The following ANTXR2 variants were observed in gnomAD, a reference collection of about 807,000 sequenced individuals.
ANTXR2 encodes the protein anthrax toxin receptor 2.
A neutral mutation model predicts 73.7 loss-of-function variants in ANTXR2; 44 were observed. That is an observed-to-expected ratio of 0.60 (90% confidence interval 0.47 to 0.77). The LOEUF is 0.77. ANTXR2 is among the 30% of genes least tolerant of loss of function. ANTXR2 has a pLI of 0.00. For missense variants in ANTXR2, 604 were observed against 592.5 expected (o/e 1.02, Z -0.20); for synonymous variants, 217 against 205.9 (o/e 1.05, Z -0.46).
chr4:80,014,340 G>A (rs1056412538), intron 11 of ANTXR2, among the ~76,000 whole-genome samples: 1 of 151,894 alleles, frequency 6.6e-6, no homozygotes, highest in Non-Finnish European at 1.5e-5. Context: ...AGACTGAGGC[G>A]GCCAAATCAC....
chr4:79,930,184 A>G (rs1344894538), intron 16 of ANTXR2, among the ~76,000 whole-genome samples: 2 of 152,216 alleles, frequency 1.3e-5, no homozygotes, highest in Non-Finnish European at 2.9e-5. Flanking sequence ...ATATTATCAA[A>G]TGAAAACAGA....
chr4:79,936,401 G>C (rs1322345397), intron 16 of ANTXR2, among the ~76,000 whole-genome samples: 1 of 152,128 alleles, frequency 6.6e-6, no homozygotes, highest in Non-Finnish European at 1.5e-5. Flanking sequence ...ACTAAAACTG[G>C]TTGCACTGCA....
At position 79,978,187 on chromosome 4, in the gene ANTXR2, G is replaced by A. The variant is rs1260975950; in HGVS notation, c.1180-13C>T. ...CACCCCAACGAACCTGTAAAACAAA[G>A]GGAGAGTACTGTTATCAGACATAAA... On this transcript the variant is annotated splice_polypyrimidine_tract_variant and intron_variant, in intron 14 of 16. Transcript: ENST00000403729. 6.2e-7 allele frequency: 1 copy of A among 1,612,902 alleles called. No homozygotes were observed. Among genetic ancestry groups the A allele is most frequent in the South Asian group, 1.1e-5 (1 of 90,970 alleles).
At position 80,025,629 on chromosome 4, in the gene ANTXR2, G is replaced by T. The variant is rs188812350; in HGVS notation, c.866+5994C>A. The stretch of plus-strand genomic sequence containing the variant: ...ATCAAGTGATACTATTTAATGTTCT[G>T]CAGTGCTTTTTAAAAGATAGTTTTA... On this transcript the variant is annotated intron_variant, in intron 10 of 16. Transcript: ENST00000403729. Among the ~76,000 whole-genome samples the T allele has an allele frequency of 4.5e-3, 678 of 152,208 alleles. 8 individuals carry two copies. The highest frequency in any genetic ancestry group is 0.015 in the African/African-American group (643 of 41,534).
At chr4:79,999,807 C>T (rs1177160342) in intron 12 of ANTXR2, among the ~76,000 whole-genome samples, 1 of 151,948 alleles carries the variant, frequency 6.6e-6, no homozygotes, top group East Asian at 1.9e-4. Context: ...TTCCCCACTA[C>T]TTGGGAGGCT....
At chr4:79,927,308 A>ACACACACACACG (rs1164517649) in intron 16 of ANTXR2, among the ~76,000 whole-genome samples, 1 of 151,534 alleles carries the variant, frequency 6.6e-6, no homozygotes, top group Admixed American at 6.6e-5. Flanking sequence ...ACACACACAC[A>ACACACACACACG]CACGCACTCA....
At chr4:79,912,582 A>AG (rs1023865102) in intron 16 of ANTXR2, among the ~76,000 whole-genome samples, 3 of 152,084 alleles carry the variant, frequency 2.0e-5, no homozygotes, top group Non-Finnish European at 4.4e-5. Flanking sequence ...TGCTAGTGGA[A>AG]GTTAAAATTG....
chr4:79,962,094 C>T (rs1380704476), intron 16 of ANTXR2, among the ~76,000 whole-genome samples: 1 of 152,154 alleles, frequency 6.6e-6, no homozygotes, highest in East Asian at 1.9e-4. Flanking sequence ...TGAGTCAACA[C>T]TTTTGCCAAC....
chr4:79,982,887 G>A, intron 14 of ANTXR2, among the ~76,000 whole-genome samples: 1 of 152,170 alleles, frequency 6.6e-6, no homozygotes, highest in East Asian at 1.9e-4. Flanking sequence ...TGTTCAGTAT[G>A]TCTGGGCTTT....
intron 10 of ANTXR2, among the ~76,000 whole-genome samples, chr4:80,021,031 C>G (rs760040904): frequency 4.0e-5 from 6 of 151,596 alleles, no homozygotes; most frequent in African/African-American, 9.7e-5. Context: ...TGCCTGTAAT[C>G]CCAGCTACTT....
At chr4:80,003,399 T>C (rs1435237482) in intron 12 of ANTXR2, among the ~76,000 whole-genome samples, 11 of 104,816 alleles carry the variant, frequency 1.0e-4, no homozygotes, top group Non-Finnish European at 1.6e-4. Flanking sequence ...CATCACACTC[T>C]GGGGACTGTT....
chr4:80,069,226 A>G (rs1734668447), intron 3 of ANTXR2, among the ~76,000 whole-genome samples: 1 of 152,186 alleles, frequency 6.6e-6, no homozygotes, highest in Non-Finnish European at 1.5e-5. Context: ...ATTTCACTGC[A>G]CATTCCACAG....
intron 3 of ANTXR2, among the ~76,000 whole-genome samples, chr4:80,064,067 A>G (rs1734385454): frequency 6.6e-6 from 1 of 152,226 alleles, no homozygotes; most frequent in African/African-American, 2.4e-5. Context: ...GTAAATTTTT[A>G]ATTCAGCTTT....
At chr4:79,961,145 T>C (rs1024224445) in intron 16 of ANTXR2, among the ~76,000 whole-genome samples, 14 of 152,046 alleles carry the variant, frequency 9.2e-5, no homozygotes, top group Non-Finnish European at 1.9e-4. Flanking sequence ...AGCTCTAAAT[T>C]TAAAAATGAG....
chr4:80,000,474 T>C (rs1005134061), intron 12 of ANTXR2, among the ~76,000 whole-genome samples: 7 of 152,060 alleles, frequency 4.6e-5, no homozygotes, highest in African/African-American at 1.7e-4. Flanking sequence ...CATTCAATAA[T>C]AAGTATTCAC....
intron 11 of ANTXR2, among the ~76,000 whole-genome samples, chr4:80,014,145 T>G (rs1004356127): frequency 6.6e-6 from 1 of 152,156 alleles, no homozygotes. Flanking sequence ...TTTCTCTTAT[T>G]TCTTCACTTA....
chr4:80,009,462 T>A (rs1440952235), intron 11 of ANTXR2, among the ~76,000 whole-genome samples: 2 of 152,228 alleles, frequency 1.3e-5, no homozygotes, highest in African/African-American at 4.8e-5. Flanking sequence ...TTGTTTAATT[T>A]ATATTTTCTA....
intron 16 of ANTXR2, among the ~76,000 whole-genome samples, chr4:79,921,843 A>G (rs1727605341): frequency 6.6e-6 from 1 of 151,928 alleles, no homozygotes; most frequent in Non-Finnish European, 1.5e-5. Flanking sequence ...GTGTGTATAT[A>G]TATTCAATTT....
In ANTXR2 at chr4:80,024,166, G is replaced by A. The variant is rs192510699; in HGVS notation, c.867-5190C>T. Reference sequence around the variant, plus strand: ...GACATTTATTGGATGTAGGAGGTGAGGAAGAAGAAAAAAGGATGACCTCAA... The same window carrying A: ...GACATTTATTGGATGTAGGAGGTGAAGAAGAAGAAAAAAGGATGACCTCAA... On this transcript the variant is annotated intron_variant, in intron 10 of 16. Transcript: ENST00000403729. Among the ~76,000 whole-genome samples, 15 of 152,192 alleles carry A rather than the reference G, an allele frequency of 9.9e-5. No homozygotes were observed. The East Asian group carries it at 2.9e-3, about 29-fold the overall frequency.
Sources: allele counts gnomAD v4.1 joint callset (sites outside exome capture counted in the v4.1 genomes callset), GRCh38; gene constraint gnomAD v4.1.1; transcripts MANE v1.5; gene names NCBI Gene and HGNC (gene_info 2026-07-23, HGNC 2026-07-21).